USO1: variants seen among roughly 807,000 people sequenced by gnomAD.
USO1 encodes the protein general vesicular transport factor p115.
Under a neutral mutation model 124.5 loss-of-function variants are expected in USO1, and 57 were observed. The ratio of observed to expected loss-of-function variants is 0.46; its 90% CI spans 0.37 to 0.57. USO1 has a LOEUF of 0.57. Among genes scored for constraint, USO1 ranks in the 20% least tolerant of loss-of-function variants. USO1 has a pLI of 0.00. For synonymous variants in USO1, 369 were observed against 362.8 expected (o/e 1.02, Z -0.19); for missense variants, 900 against 1,040.6 (o/e 0.86, Z 1.86).
At chr4:75,742,163 T>C (rs1720981878) in intron 1 of USO1, among the ~76,000 whole-genome samples, 1 of 152,218 alleles carries the variant, frequency 6.6e-6, no homozygotes. Flanking sequence ...AAGTATAATA[T>C]AGTAAATACA....
intron 1 of USO1, chr4:75,745,311 G>A (rs1055955795): frequency 1.9e-6 from 1 of 519,330 alleles, no homozygotes; most frequent in Non-Finnish European, 3.9e-6. Context: ...GAACTGCCCT[G>A]GCTGGGCAGT....
At chr4:75,737,489 A>T (rs1037246566) in intron 1 of USO1, among the ~76,000 whole-genome samples, 2 of 152,154 alleles carry the variant, frequency 1.3e-5, no homozygotes, top group Non-Finnish European at 2.9e-5. Context: ...GTACAAAATA[A>T]GAGTGTTAGC....
At chr4:75,776,304 G>A in intron 8 of USO1, among the ~76,000 whole-genome samples, 1 of 152,176 alleles carries the variant, frequency 6.6e-6, no homozygotes, top group East Asian at 1.9e-4. Context: ...ACAAGATAAA[G>A]CAGATTCTTT....
At chr4:75,736,880 G>C (rs1720807590) in intron 1 of USO1, among the ~76,000 whole-genome samples, 1 of 152,060 alleles carries the variant, frequency 6.6e-6, no homozygotes, top group Non-Finnish European at 1.5e-5. Context: ...GGGCTAAATT[G>C]TACTCATATA....
intron 1 of USO1, among the ~76,000 whole-genome samples, chr4:75,736,676 A>G (rs1261906353): frequency 3.3e-5 from 5 of 152,034 alleles, no homozygotes; most frequent in Admixed American, 3.3e-4. Context: ...AAAATACCAG[A>G]TTTTCAGTTA....
At chr4:75,765,292 T>G (rs1721736003) in intron 4 of USO1, among the ~76,000 whole-genome samples, 2 of 152,286 alleles carry the variant, frequency 1.3e-5, no homozygotes, top group South Asian at 4.1e-4. Flanking sequence ...GGGCCCTTTT[T>G]GTATAATTTC....
intron 7 of USO1, among the ~76,000 whole-genome samples, chr4:75,773,691 G>A (rs945434074): frequency 1.3e-5 from 2 of 152,078 alleles, no homozygotes; most frequent in African/African-American, 4.8e-5. Context: ...GCATTAAGTG[G>A]GAGAATTTGA....
chr4:75,749,809 G>A lies in USO1; in HGVS notation c.67-2564G>A, dbSNP rs990809805. Among the ~76,000 whole-genome samples, 13 of 150,820 alleles carry A rather than the reference G, an allele frequency of 8.6e-5. 1 individual carries two copies. The highest frequency in any genetic ancestry group is 2.7e-4 in the African/African-American group (11 of 41,024). Reference sequence around the variant, plus strand: ...GCACTGTCGCCCAGGCTGGAGTGCAGTGGTGCGATCTCGGCTCACTGCAAG... The same window carrying A: ...GCACTGTCGCCCAGGCTGGAGTGCAATGGTGCGATCTCGGCTCACTGCAAG... On this transcript the variant is annotated intron_variant, in intron 1 of 23. Coordinates refer to ENST00000514213, the MANE Select transcript of USO1 (RefSeq NM_003715.4).
At chr4:75,725,044 G>A in intron 1 of USO1, 159 bp downstream of exon 1, 1 of 778,340 alleles carries the variant, frequency 1.3e-6, no homozygotes, top group Non-Finnish European at 2.1e-6. Flanking sequence ...AAATCCCAGA[G>A]TTATTCAATC....
intron 4 of USO1, among the ~76,000 whole-genome samples, chr4:75,763,225 A>G (rs577051588): frequency 3.2e-4 from 48 of 152,356 alleles, no homozygotes; most frequent in African/African-American, 1.2e-3. Context: ...CCATATAAAC[A>G]GGCCTGAAAA....
chr4:75,784,132 C>G lies in USO1; in HGVS notation c.855+1274C>G, dbSNP rs181017734. Among the ~76,000 whole-genome samples, 315 of 152,330 alleles carry G rather than the reference C, an allele frequency of 2.1e-3. 3 individuals are homozygous for G. The highest frequency in any genetic ancestry group is 3.4e-3 in the Non-Finnish European group (230 of 68,038). On this transcript the variant is annotated intron_variant, in intron 9 of 23. Transcript: ENST00000514213. ...ACCTCCCTGGCTCAAGAAATCCCCC[C>G]ACCTCAGCATCCTGAATAGCTGGGA...
intron 4 of USO1, among the ~76,000 whole-genome samples, chr4:75,759,375 C>G (rs1721534963): frequency 6.7e-6 from 1 of 148,376 alleles, no homozygotes; most frequent in Non-Finnish European, 1.5e-5. Flanking sequence ...GGGTGGATCA[C>G]TTGAGGTCAG....
At chr4:75,756,858 A>C (rs1339366159) in intron 3 of USO1, among the ~76,000 whole-genome samples, 1 of 151,654 alleles carries the variant, frequency 6.6e-6, no homozygotes, top group Admixed American at 6.6e-5. Context: ...GAAGAAAAAC[A>C]CTCTAGTAGT....
chr4:75,793,821 T>C lies in USO1; in HGVS notation c.1372T>C (p.Leu458=). ...LQENATQKEQ[L]LRVQLATSIG... ...AGAAAATGCCACCCAGAAAGAACAG[T>C]TGCTCAGGGTTCAACTTGCTACAAG... The change falls in exon 13 of 24, where the codon TTG becomes CTG. Residue 458 remains leucine (L), a synonymous_variant. Transcript: ENST00000514213. The C allele has an allele frequency of 6.2e-7, 1 of 1,614,008 alleles. No homozygotes were observed. The highest frequency in any genetic ancestry group is 2.2e-5 in the East Asian group (1 of 44,866).
At chr4:75,760,076 G>A (rs189963594) in intron 4 of USO1, among the ~76,000 whole-genome samples, 136 of 152,180 alleles carry the variant, frequency 8.9e-4, no homozygotes, top group East Asian at 1.9e-3. Flanking sequence ...GCCGGGCGTG[G>A]TGGTGCACAC....
chr4:75,782,326 C>T (rs970495582), intron 8 of USO1, among the ~76,000 whole-genome samples: 3 of 152,122 alleles, frequency 2.0e-5, no homozygotes, highest in African/African-American at 7.2e-5. Flanking sequence ...CAAACACTAC[C>T]TAATAATAAA....
At chr4:75,787,323 A>T in intron 10 of USO1, 121 bp downstream of exon 10, 1 of 1,246,362 alleles carries the variant, frequency 8.0e-7, no homozygotes, top group Non-Finnish European at 1.0e-6. Context: ...TAAAATTTTT[A>T]ATGATCTTAC....
chr4:75,784,166 G>A (rs1004746815), intron 9 of USO1, among the ~76,000 whole-genome samples: 19 of 152,120 alleles, frequency 1.2e-4, no homozygotes, highest in Non-Finnish European at 2.1e-4. Context: ...GACTACAGGC[G>A]CAAGCCACCA....
chr4:75,724,739 G>A lies in USO1; in HGVS notation c.-81G>A, dbSNP rs1344413421. On this transcript the variant is annotated 5_prime_UTR_variant, in exon 1 of 24. Coordinates refer to ENST00000514213, the MANE Select transcript of USO1 (RefSeq NM_003715.4). ...GGAGTGTGTAGAGTGCGGGATTGGG[G>A]CCCAGGCCCTGCGGAGGGCGGGGGA... The A allele has an allele frequency of 2.1e-6, 3 of 1,460,498 alleles. No individual in the cohort carries two copies. Among genetic ancestry groups the A allele is most frequent in the Non-Finnish European group, 2.8e-6 (3 of 1,056,926 alleles). 90.5% of individuals were successfully genotyped at this position (1,460,498 alleles called of 1,614,324 possible).
Sources: allele counts gnomAD v4.1 joint callset (sites outside exome capture counted in the v4.1 genomes callset), GRCh38; gene constraint gnomAD v4.1.1; transcripts MANE v1.5; gene names NCBI Gene and HGNC (gene_info 2026-07-23, HGNC 2026-07-21).